The following RAB38 variants were observed in gnomAD, a reference collection of about 807,000 sequenced individuals.
RAB38 encodes ras-related protein Rab-38.
In RAB38, 15 loss-of-function variants were observed where a neutral mutation model predicts 18.4. The observed-to-expected ratio is 0.82, with a 90% CI of 0.55 to 1.26. The LOEUF (loss-of-function observed/expected upper bound fraction) is 1.26, where lower values mean the gene tolerates loss of function less well. Ranked by LOEUF, RAB38 falls within the 50% of genes most tolerant of loss-of-function variation. The pLI is 0.00. For synonymous variants in RAB38, 101 were observed against 104.4 expected (o/e 0.97, Z 0.20); for missense variants, 294 against 267.4 (o/e 1.10, Z -0.69).
At chr11:88,078,800 C>T in the RAB38 span, among the ~76,000 whole-genome samples, 7 of 151,650 alleles carry the variant, frequency 4.6e-5, no homozygotes, top group Non-Finnish European at 1.0e-4. Flanking sequence ...AATAAGACTT[C>T]GTGTTTGATA....
At chr11:87,864,858 C>T in the RAB38 span, among the ~76,000 whole-genome samples, 1 of 151,724 alleles carries the variant, frequency 6.6e-6, no homozygotes, top group Non-Finnish European at 1.5e-5. Flanking sequence ...ACGAGCAGTT[C>T]TCAGTGAGGT....
In RAB38 at chr11:88,149,894, A is replaced by C. The variant is rs769998112; in HGVS notation, c.264T>G (p.Ile88Met). ...TGGCTGGCCTGGTGACATCGAAGACAATAAATGCACCCATAGCTTCTCGGT... is the reference window on the plus strand; with the variant it reads ...TGGCTGGCCTGGTGACATCGAAGACCATAAATGCACCCATAGCTTCTCGGT... The part of the protein sequence containing the change: ...VYYREAMGAF[I>M]VFDVTRPATF... Residue 88 changes from isoleucine to methionine, a missense_variant, in exon 2 of 3, where the codon ATT becomes ATG. Coordinates refer to ENST00000243662, the MANE Select transcript of RAB38 (RefSeq NM_022337.3). The C allele has an allele frequency of 1.9e-6, 3 of 1,614,104 alleles. No individual in the cohort carries two copies.
At chr11:87,826,348 T>C in the RAB38 span, among the ~76,000 whole-genome samples, 2 of 151,656 alleles carry the variant, frequency 1.3e-5, no homozygotes, top group African/African-American at 4.9e-5. Flanking sequence ...ATTTGAAAAA[T>C]AAAGGTGCCA....
chr11:88,149,992 A>C, intron 1 of RAB38, 37 bp from the exon 2 acceptor site: 1 of 1,576,860 alleles, frequency 6.3e-7, no homozygotes, highest in African/African-American at 1.4e-5. Context: ...AAATGTATTA[A>C]AATTGCAAAC....
intron 1 of RAB38, among the ~76,000 whole-genome samples, chr11:88,165,252 A>G (rs930534897): frequency 1.3e-5 from 2 of 152,156 alleles, no homozygotes; most frequent in Non-Finnish European, 2.9e-5. Flanking sequence ...TTGTAGTTAG[A>G]CAAATCTCAG....
the RAB38 span, among the ~76,000 whole-genome samples, chr11:88,028,065 G>T: frequency 7.2e-5 from 11 of 152,144 alleles, no homozygotes; most frequent in Non-Finnish European, 1.5e-4. Context: ...AGCATGCACG[G>T]TTCAAGAAAA....
the RAB38 span, among the ~76,000 whole-genome samples, chr11:87,857,360 A>C: frequency 5.3e-5 from 8 of 152,098 alleles, no homozygotes; most frequent in African/African-American, 9.7e-5. Context: ...ATGATTTATA[A>C]TCCTTTGGAT....
At chr11:88,146,401 C>A (rs564305204) in intron 2 of RAB38, among the ~76,000 whole-genome samples, 2 of 152,246 alleles carry the variant, frequency 1.3e-5, no homozygotes, top group South Asian at 4.1e-4. Flanking sequence ...GTATTTATCA[C>A]CAGACATTAT....
chr11:87,969,650 C>G, the RAB38 span, among the ~76,000 whole-genome samples: 1 of 152,232 alleles, frequency 6.6e-6, no homozygotes, highest in South Asian at 2.1e-4. Context: ...CTCATTTGGT[C>G]TGTGTCGGGA....
the RAB38 span, among the ~76,000 whole-genome samples, chr11:87,912,606 C>G: frequency 6.6e-6 from 1 of 151,524 alleles, no homozygotes; most frequent in Non-Finnish European, 1.5e-5. Context: ...TACCCTAATC[C>G]TTCCTGCTAG....
At chr11:88,048,326 C>T in the RAB38 span, among the ~76,000 whole-genome samples, 6 of 152,154 alleles carry the variant, frequency 3.9e-5, no homozygotes, top group African/African-American at 1.4e-4. Context: ...CACTTCTATA[C>T]AGTCCTATAA....
the RAB38 span, among the ~76,000 whole-genome samples, chr11:87,884,597 G>A: frequency 8.6e-5 from 13 of 151,946 alleles, no homozygotes; most frequent in Non-Finnish European, 1.8e-4. Flanking sequence ...TAACAACAGA[G>A]AGATAATTTG....
the RAB38 span, chr11:87,815,437 C>G: frequency 6.6e-6 from 1 of 151,772 alleles, no homozygotes; most frequent in Non-Finnish European, 1.5e-5. Flanking sequence ...GAAAATAGTA[C>G]TAAAATTATT....
the RAB38 span, among the ~76,000 whole-genome samples, chr11:87,952,692 T>C: frequency 6.6e-6 from 1 of 152,080 alleles, no homozygotes; most frequent in Non-Finnish European, 1.5e-5. Context: ...GTCCTGAGGA[T>C]TGTAGAGGCC....
chr11:87,972,363 A>G, the RAB38 span, among the ~76,000 whole-genome samples: 1 of 152,078 alleles, frequency 6.6e-6, no homozygotes, highest in South Asian at 2.1e-4. Flanking sequence ...AACAAGTGAA[A>G]TCTTTCAGTC....
At chr11:88,157,508 A>G (rs1943140522) in intron 1 of RAB38, among the ~76,000 whole-genome samples, 1 of 152,216 alleles carries the variant, frequency 6.6e-6, no homozygotes, top group South Asian at 2.1e-4. Context: ...ACAGACATCT[A>G]CGGAATACTC....
At chr11:88,010,210 A>G in the RAB38 span, among the ~76,000 whole-genome samples, 1,159 of 152,272 alleles carry the variant, frequency 7.6e-3, 18 homozygotes, top group African/African-American at 0.025. Context: ...CACTTGACTT[A>G]TGCTGTATGT....
chr11:88,092,403 A>G, the RAB38 span, among the ~76,000 whole-genome samples: 877 of 46,988 alleles, frequency 0.019, 192 homozygotes, highest in South Asian at 0.04. Context: ...AGAGAGAGAG[A>G]GAGAGAGAGA....
the RAB38 span, among the ~76,000 whole-genome samples, chr11:87,948,111 G>A: frequency 0.035 from 5,394 of 151,970 alleles, 138 homozygotes; most frequent in Non-Finnish European, 0.053. Context: ...GGTCCTTCAC[G>A]TCCCTTGTAA....
Sources: gnomAD v4.1 joint callset for allele counts (sites outside exome capture counted in the v4.1 genomes callset) on GRCh38, gnomAD v4.1.1 for gene constraint, MANE v1.5 for transcripts, NCBI Gene and HGNC (gene_info 2026-07-23, HGNC 2026-07-21) for gene names.